The following KIAA1217 variants were observed in gnomAD, a reference collection of about 807,000 sequenced individuals.
KIAA1217 encodes KIAA1217, also known as sickle tail protein homolog.
KIAA1217 carries 88 observed loss-of-function variants against 163.9 expected under a neutral mutation model. That is an observed-to-expected ratio of 0.54 (90% CI 0.45 to 0.64). The LOEUF (loss-of-function observed/expected upper bound fraction) is 0.64. Among genes scored for constraint, KIAA1217 ranks in the 30% least tolerant of loss-of-function variants. The probability of loss-of-function intolerance (pLI) is 0.00; values close to 1 mark genes in which losing one functional copy is unlikely to be tolerated. For missense variants in KIAA1217, 2,372 were observed against 2,475.0 expected, an observed-to-expected ratio of 0.96 and a Z score of 0.88; for synonymous variants, 903 against 923.1, an observed-to-expected ratio of 0.98 and a Z score of 0.39.
chr10:23,872,777 G>T (rs758873168), intron 1 of KIAA1217, among the ~76,000 whole-genome samples: 2 of 152,038 alleles, frequency 1.3e-5, no homozygotes, highest in Non-Finnish European at 2.9e-5. Flanking sequence ...GTAACTCAGT[G>T]AACAGTTTCT....
chr10:23,936,343 G>A (rs1843523611), intron 1 of KIAA1217, among the ~76,000 whole-genome samples: 1 of 152,090 alleles, frequency 6.6e-6, no homozygotes, highest in Admixed American at 6.6e-5. Flanking sequence ...CATACTACCT[G>A]TACTGGGTTA....
At chr10:24,516,058 A>G (rs2134365440) in intron 10 of KIAA1217, among the ~76,000 whole-genome samples, 1 of 152,388 alleles carries the variant, frequency 6.6e-6, no homozygotes. Context: ...ATATCAGAGC[A>G]AGACTCAATC....
At chr10:23,728,771 A>C (rs1360660002) in intron 1 of KIAA1217, among the ~76,000 whole-genome samples, 2 of 152,204 alleles carry the variant, frequency 1.3e-5, no homozygotes, top group African/African-American at 2.4e-5. Flanking sequence ...AGCAGTTTTA[A>C]GCTTACAGCA....
intron 2 of KIAA1217, among the ~76,000 whole-genome samples, chr10:24,096,338 A>G (rs2062160491): frequency 6.6e-6 from 1 of 151,876 alleles, no homozygotes; most frequent in African/African-American, 2.4e-5. Flanking sequence ...CTCCTTTTCT[A>G]CTAACTTCAG....
chr10:24,323,833 T>TGTGTGTGTGTGTGTG (rs2044500123), intron 2 of KIAA1217, among the ~76,000 whole-genome samples: 1 of 128,036 alleles, frequency 7.8e-6, no homozygotes, highest in African/African-American at 3.4e-5. Context: ...GTGTGTGTGT[T>TGTGTGTGTGTGTGTG]TGACTAACTT....
At chr10:24,021,734 G>A (rs1246835028) in intron 2 of KIAA1217, among the ~76,000 whole-genome samples, 1 of 151,756 alleles carries the variant, frequency 6.6e-6, no homozygotes, top group African/African-American at 2.4e-5. Flanking sequence ...AAGACAGGGT[G>A]GTATTTGTAA....
At chr10:23,905,614 C>T (rs1055083330) in intron 1 of KIAA1217, among the ~76,000 whole-genome samples, 1 of 152,030 alleles carries the variant, frequency 6.6e-6, no homozygotes, top group Non-Finnish European at 1.5e-5. Context: ...TGCTCTGCCA[C>T]AGGCTTCTGA....
Position 24,300,769 on chromosome 10 carries a change from G to T in KIAA1217, c.355-80100G>T, listed in dbSNP as rs191766930. On this transcript the variant is annotated intron_variant, in intron 2 of 20. Transcript: ENST00000376454. ...TTTAGTAGAGATGGGGTTTCACCAT[G>T]TTGGCCAGGCTGGTCTCAAACCCCT... Among the ~76,000 whole-genome samples, 135 of 152,166 alleles carry T rather than the reference G, an allele frequency of 8.9e-4. 1 individual carries two copies. Among genetic ancestry groups the T allele is most frequent in the African/African-American group, 2.2e-3 (92 of 41,502 alleles).
intron 1 of KIAA1217, among the ~76,000 whole-genome samples, chr10:23,966,611 T>C (rs942885421): frequency 2.6e-5 from 4 of 152,212 alleles, no homozygotes; most frequent in African/African-American, 9.7e-5. Flanking sequence ...ATAAAAACGA[T>C]GCTCTCATCC....
chr10:24,398,058 T>G (rs2056059766), intron 3 of KIAA1217, among the ~76,000 whole-genome samples: 1 of 152,184 alleles, frequency 6.6e-6, no homozygotes, highest in South Asian at 2.1e-4. Flanking sequence ...CCCATGCAGT[T>G]GGAAATTCAC....
Position 23,930,368 on chromosome 10 carries a change from T to C in KIAA1217, c.-320-76857T>C, listed in dbSNP as rs980642950. 1.1e-4 allele frequency among the ~76,000 whole-genome samples: 16 copies of C among 152,206 alleles called. 1 individual carries two copies. The highest frequency in any genetic ancestry group is 1.7e-4 in the African/African-American group (7 of 41,466). Reference sequence around the variant, plus strand: ...ACATCTGTTTCTATGTCATCTTATATAGTTATTATCTAAATATGCAAGCTA... The same window carrying C: ...ACATCTGTTTCTATGTCATCTTATACAGTTATTATCTAAATATGCAAGCTA... On this transcript the variant is annotated intron_variant, in intron 1 of 18. Coordinates refer to the KIAA1217 transcript ENST00000376462.
intron 2 of KIAA1217, among the ~76,000 whole-genome samples, chr10:24,301,342 G>A (rs975243910): frequency 4.6e-5 from 7 of 152,230 alleles, no homozygotes; most frequent in Non-Finnish European, 7.3e-5. Flanking sequence ...ATTATCCGAA[G>A]CATTTACTAT....
At chr10:24,202,020 C>A (rs924955448) in intron 2 of KIAA1217, among the ~76,000 whole-genome samples, 1 of 152,176 alleles carries the variant, frequency 6.6e-6, no homozygotes, top group Non-Finnish European at 1.5e-5. Flanking sequence ...GGCGGCCCAG[C>A]CCCGGGTGCT....
chr10:23,963,229 T>G (rs1844894386), intron 1 of KIAA1217, among the ~76,000 whole-genome samples: 1 of 152,204 alleles, frequency 6.6e-6, no homozygotes, highest in Non-Finnish European at 1.5e-5. Flanking sequence ...ACCCATCATC[T>G]ACATTAGGTA....
chr10:24,276,633 G>A (rs936091516), intron 2 of KIAA1217, among the ~76,000 whole-genome samples: 1 of 141,954 alleles, frequency 7.0e-6, no homozygotes, highest in Non-Finnish European at 1.5e-5. Context: ...TTTCTGAGAT[G>A]GAATCTCACT....
At chr10:23,910,030 G>A (rs889242449) in intron 1 of KIAA1217, among the ~76,000 whole-genome samples, 2 of 151,892 alleles carry the variant, frequency 1.3e-5, no homozygotes, top group African/African-American at 2.4e-5. Flanking sequence ...TTTGATTTGC[G>A]TTTCTCTAAT....
intron 1 of KIAA1217, among the ~76,000 whole-genome samples, chr10:23,978,649 A>G (rs1365772290): frequency 6.6e-6 from 1 of 152,126 alleles, no homozygotes; most frequent in Non-Finnish European, 1.5e-5. Flanking sequence ...TTTAAACTAT[A>G]TATATATAAT....
At chr10:24,484,193 T>A (rs1025338584) in intron 6 of KIAA1217, among the ~76,000 whole-genome samples, 1 of 144,052 alleles carries the variant, frequency 6.9e-6, no homozygotes, top group Non-Finnish European at 1.5e-5. Flanking sequence ...ACATATATAT[T>A]GATATACATA....
chr10:24,440,364 C>G (rs562650882), intron 5 of KIAA1217, among the ~76,000 whole-genome samples: 1 of 152,282 alleles, frequency 6.6e-6, no homozygotes, highest in African/African-American at 2.4e-5. Context: ...CCTTGAATAT[C>G]TTTATTTTTT....
Sources: allele counts gnomAD v4.1 joint callset (sites outside exome capture counted in the v4.1 genomes callset), GRCh38; gene constraint gnomAD v4.1.1; transcripts MANE v1.5; gene names NCBI Gene and HGNC (gene_info 2026-07-23, HGNC 2026-07-21).